Variants in RHBDF1 observed in about 807,000 individuals in gnomAD.
RHBDF1 encodes the protein rhomboid 5 homolog 1.
In RHBDF1, 80 loss-of-function variants were observed where a neutral mutation model predicts 98.6. The observed-to-expected ratio is 0.81, with a 90% CI of 0.68 to 0.98. The LOEUF is 0.98. Among genes scored for constraint, RHBDF1 ranks in the 50% least tolerant of loss-of-function variants. The pLI, the probability that RHBDF1 is intolerant of heterozygous loss-of-function variation, is 0.00. For missense variants in RHBDF1, 1,116 were observed against 1,198.3 expected, an observed-to-expected ratio of 0.93 and a Z score of 1.01; for synonymous variants, 512 against 486.8, an observed-to-expected ratio of 1.05 and a Z score of -0.68.
chr16:61,800 G>T lies in RHBDF1; in HGVS notation c.1206C>A (p.His402Gln), dbSNP rs2141849845. The T allele has an allele frequency of 6.2e-7, 1 of 1,612,810 alleles. No homozygotes were observed. Among genetic ancestry groups the T allele is most frequent in the African/African-American group, 1.3e-5 (1 of 75,034 alleles). ...VKRQIEDMDDHRPFFTYWLTF... is the reference protein window; with the variant it reads ...VKRQIEDMDDQRPFFTYWLTF... ...CAGGCCTTGCCTGCCACGCCTACCT[G>T]TGGTCGTCCATGTCCTCGATCTGGC... Residue 402 changes from histidine (H) to glutamine (Q), a missense_variant and splice_region_variant, in exon 8 of 18, where the codon CAC becomes CAA. Coordinates refer to ENST00000262316, the MANE Select transcript of RHBDF1 (RefSeq NM_022450.5).
At chr16:64,508 T>C (rs1897768627) in intron 3 of RHBDF1, 191 bp downstream of exon 3, 1 of 1,536,008 alleles carries the variant, frequency 6.5e-7, no homozygotes, top group South Asian at 1.2e-5. Context: ...GAGAAGGGAG[T>C]GGAGCAGGGT....
At position 61,115 on chromosome 16, in the gene RHBDF1, C is replaced by T. The variant is rs1296559689; in HGVS notation, c.1557+5G>A. 3.3e-6 allele frequency: 5 copies of T among 1,522,070 alleles called. No homozygotes were observed. The highest frequency in any genetic ancestry group is 3.5e-6 in the Non-Finnish European group (4 of 1,134,386). The allele number at this position is 1,522,070 out of a possible 1,614,324, so 94.3% of individuals were successfully genotyped here. A position where few individuals can be genotyped will look rare whatever the true frequency, so the allele number is the denominator to read the frequency against. On this transcript the variant is annotated splice_donor_5th_base_variant and intron_variant, in intron 11 of 17. Transcript: ENST00000262316. ...AAGGCGGGAGTCCCGGGCGGGGAAA[C>T]GCACCGAGCACTCCTCCTCCGAGGT...
At position 58,484 on chromosome 16, in the gene RHBDF1, C is replaced by G; in HGVS notation, c.2424G>C (p.Gln808His). Residue 808 changes from glutamine (Q) to histidine (H), a missense_variant, in exon 18 of 18, where the codon CAG becomes CAC. By Grantham distance (24) the Gln-to-His change is conservative. Transcript: ENST00000262316. ...YRKRCQIIIF[Q>H]VVFLGLLAGL... ...CAGCCAGGAGGCCCAGGAAGACCAC[C>G]TGAAAGATGATGATCTGGCAGCGTT... is the stretch of plus-strand genomic sequence containing the variant. 6.2e-7 allele frequency: 1 copy of G among 1,614,104 alleles called. No individual in the cohort carries two copies. Among genetic ancestry groups the G allele is most frequent in the Non-Finnish European group, 8.5e-7 (1 of 1,180,034 alleles).
intron 1 of RHBDF1, among the ~76,000 whole-genome samples, chr16:69,516 C>T (rs1236473495): frequency 6.6e-6 from 1 of 151,998 alleles, no homozygotes; most frequent in Admixed American, 6.6e-5. Flanking sequence ...CATCCCCACC[C>T]ACACGCTGCT....
intron 1 of RHBDF1, among the ~76,000 whole-genome samples, chr16:70,820 G>A (rs797004398): frequency 1.1e-4 from 17 of 152,292 alleles, no homozygotes; most frequent in Non-Finnish European, 2.2e-4. Flanking sequence ...GGCTGTGGAC[G>A]GCTGTCAGAC....
chr16:69,209 G>A (rs1366195634), intron 1 of RHBDF1, among the ~76,000 whole-genome samples: 1 of 152,180 alleles, frequency 6.6e-6, no homozygotes, highest in Non-Finnish European at 1.5e-5. Context: ...GCTCTGGCCA[G>A]TCCAGGCATA....
Position 58,227 on chromosome 16 carries a change from A to C in RHBDF1, c.*113T>G. The C allele has an allele frequency of 2.0e-6, 2 of 1,024,634 alleles. No homozygotes were observed. Among genetic ancestry groups the C allele is most frequent in the South Asian group, 3.2e-5 (2 of 63,380 alleles). The allele number at this position is 1,024,634 out of a possible 1,614,324, so 63.5% of individuals were successfully genotyped here. ...ACAAGAAAGAGGTCTGTGTTCAGGAAACAGGCCAGTCCCCACATGGAGCAG... is the reference window on the plus strand; with the variant it reads ...ACAAGAAAGAGGTCTGTGTTCAGGACACAGGCCAGTCCCCACATGGAGCAG... On this transcript the variant is annotated 3_prime_UTR_variant, in exon 18 of 18. Coordinates refer to ENST00000262316, the MANE Select transcript of RHBDF1 (RefSeq NM_022450.5).
At chr16:70,013 G>C (rs564065434) in intron 1 of RHBDF1, among the ~76,000 whole-genome samples, 5 of 132,184 alleles carry the variant, frequency 3.8e-5, no homozygotes, top group East Asian at 4.9e-4. Flanking sequence ...TTGGCAGGAG[G>C]GGGGGGGGCA....
chr16:62,712 G>A lies in RHBDF1; in HGVS notation c.796-17C>T. On this transcript the variant is annotated splice_polypyrimidine_tract_variant and intron_variant, in intron 6 of 17. Coordinates refer to ENST00000262316, the MANE Select transcript of RHBDF1 (RefSeq NM_022450.5). ...GATACCTTCCTGAGCAAACACATGA[G>A]GTCAGGGTGGACACAGGCAGGAAGG... The A allele has an allele frequency of 1.2e-6, 2 of 1,614,150 alleles. No homozygotes were observed. Among genetic ancestry groups the A allele is most frequent in the Admixed American group, 1.7e-5 (1 of 60,032 alleles).
chr16:59,476 C>A lies in RHBDF1; in HGVS notation c.1836G>T (p.Arg612=). Residue 612 remains arginine, a synonymous_variant, in exon 15 of 18, where the codon CGG becomes CGT. Transcript: ENST00000262316. ...AGCCCCTCATGAAGTCACAGTACTCCCGGGAGGTGATCTCACACCTAGAAA... is the reference window on the plus strand; with the variant it reads ...AGCCCCTCATGAAGTCACAGTACTCACGGGAGGTGATCTCACACCTAGAAA... ...GTKGRCEITS[R]EYCDFMRGYF... The A allele has an allele frequency of 1.2e-6, 2 of 1,613,540 alleles. No homozygotes were observed. The highest frequency in any genetic ancestry group is 2.2e-5 in the South Asian group (2 of 91,084).
Position 62,413 on chromosome 16 carries a change from T to C in RHBDF1, c.953+125A>G. The C allele has an allele frequency of 3.1e-6, 4 of 1,292,362 alleles. No homozygotes were observed. The Middle Eastern group carries it at 1.1e-3, about 353-fold the overall frequency. 80.1% of individuals were successfully genotyped at this position (1,292,362 alleles called of 1,614,324 possible). ...CCACCCCTGGTGGCCCAGTGAGTAGTGAGTTCCCAGTCCCTGAGGCTACCC... is the reference window on the plus strand; with the variant it reads ...CCACCCCTGGTGGCCCAGTGAGTAGCGAGTTCCCAGTCCCTGAGGCTACCC... On this transcript the variant is annotated intron_variant, in intron 7 of 17. Coordinates refer to ENST00000262316, the MANE Select transcript of RHBDF1 (RefSeq NM_022450.5).
chr16:58,956 C>A lies in RHBDF1; in HGVS notation c.2148+18G>T, dbSNP rs755475808. On this transcript the variant is annotated intron_variant, in intron 17 of 17. Coordinates refer to ENST00000262316, the MANE Select transcript of RHBDF1 (RefSeq NM_022450.5). ...CAGGTGCACACGGGAGGATCCCCAC[C>A]CTGAGGGCCAGCCTTACCTCTGCTC... The A allele has an allele frequency of 5.6e-6, 9 of 1,611,814 alleles. No homozygotes were observed. The South Asian group carries it at 8.8e-5, about 16-fold the overall frequency.
intron 11 of RHBDF1, 93 bp downstream of exon 11, chr16:61,027 C>A: frequency 7.3e-7 from 1 of 1,375,212 alleles, no homozygotes; most frequent in South Asian, 1.4e-5. Flanking sequence ...GTGCCAGGAA[C>A]GAGGGCGAAG....
In RHBDF1 at chr16:61,229, G is replaced by A. The variant is rs1286843985; in HGVS notation, c.1448C>T (p.Pro483Leu). 9 of 1,545,964 alleles carry A rather than the reference G, an allele frequency of 5.8e-6. No homozygotes were observed. Among genetic ancestry groups the A allele is most frequent in the South Asian group, 1.2e-5 (1 of 83,950 alleles). Reference protein sequence around the residue: ...AKFSPCMRQDPQVHSFIRSAR... With the variant: ...AKFSPCMRQDLQVHSFIRSAR... ...CGAGCGAATGAAGCTGTGCACCTGC[G>A]GGTCCTGGCGCATGCAGGGCGAAAA... Residue 483 changes from proline to leucine, a missense_variant, in exon 11 of 18, where the codon CCG (proline) becomes CTG (leucine). Pro to Leu is a moderately conservative substitution (Grantham distance 98). Coordinates refer to ENST00000262316, the MANE Select transcript of RHBDF1 (RefSeq NM_022450.5).
chr16:71,390 C>T (rs544259667), intron 1 of RHBDF1, among the ~76,000 whole-genome samples: 24 of 152,330 alleles, frequency 1.6e-4, no homozygotes, highest in African/African-American at 2.4e-4. Context: ...GCCTCAGGGA[C>T]CCCTTGAGCC....
upstream of RHBDF1, chr16:73,857 G>T: frequency 1.2e-6 from 1 of 854,798 alleles, no homozygotes; most frequent in Non-Finnish European, 1.4e-6. Context: ...GCAGACAATG[G>T]CCTGCTCCTT....
At chr16:60,329 G>T in intron 12 of RHBDF1, 50 bp from the exon 13 acceptor site, 2 of 1,610,184 alleles carry the variant, frequency 1.2e-6, no homozygotes, top group Non-Finnish European at 1.7e-6. Context: ...CCTAGCATTG[G>T]CACCCTTCCA....
chr16:73,451 T>G (rs1224871089), upstream of RHBDF1, among the ~76,000 whole-genome samples: 1 of 152,050 alleles, frequency 6.6e-6, no homozygotes, highest in Admixed American at 6.5e-5. Context: ...CACCCCGGGG[T>G]GGGCTCATAT....
Position 63,878 on chromosome 16 carries a change from G to A in RHBDF1, c.249-78C>T, listed in dbSNP as rs768219366. On this transcript the variant is annotated intron_variant, in intron 3 of 17. Coordinates refer to ENST00000262316, the MANE Select transcript of RHBDF1 (RefSeq NM_022450.5). ...GGGACTTCAAAGGCCCTCCTCCGGG[G>A]CAGCATGCTGCCCCCAGGCCTGTAG... The A allele has an allele frequency of 1.6e-5, 17 of 1,036,036 alleles. No individual in the cohort carries two copies. The Admixed American group carries it at 2.6e-4, about 16-fold the overall frequency. The allele number at this position is 1,036,036 out of a possible 1,614,324, so 64.2% of individuals were successfully genotyped here. A position where few individuals can be genotyped will look rare whatever the true frequency, so the allele number is the denominator to read the frequency against.
Sources: allele counts gnomAD v4.1 joint callset (sites outside exome capture counted in the v4.1 genomes callset), GRCh38; gene constraint gnomAD v4.1.1; transcripts MANE v1.5; gene names NCBI Gene and HGNC (gene_info 2026-07-23, HGNC 2026-07-21).